Variants in NKAIN2 observed in about 807,000 individuals in gnomAD.
NKAIN2 encodes the protein sodium/potassium-transporting ATPase subunit beta-1-interacting protein 2.
Under a neutral mutation model 32.6 loss-of-function variants are expected in NKAIN2, and 14 were observed. That is an observed-to-expected ratio of 0.43 (90% CI 0.28 to 0.67). The LOEUF is 0.67. Among genes scored for constraint, NKAIN2 ranks in the 30% least tolerant of loss-of-function variants. The probability of loss-of-function intolerance (pLI) is 0.17; values close to 1 mark genes in which losing one functional copy is unlikely to be tolerated. For synonymous variants in NKAIN2, 80 were observed against 87.2 expected (o/e 0.92, Z 0.46); for missense variants, 198 against 258.3 (o/e 0.77, Z 1.60).
At chr6:124,045,628 G>C (rs1195455054) in intron 1 of NKAIN2, among the ~76,000 whole-genome samples, 1 of 151,994 alleles carries the variant, frequency 6.6e-6, no homozygotes, top group Admixed American at 6.6e-5. Flanking sequence ...CTGTAGCCTA[G>C]TAACCTTTGT....
At chr6:123,821,288 C>T (rs1389941216) in intron 1 of NKAIN2, among the ~76,000 whole-genome samples, 1 of 152,092 alleles carries the variant, frequency 6.6e-6, no homozygotes, top group Non-Finnish European at 1.5e-5. Context: ...TTCATATTGT[C>T]TCTCACTATT....
chr6:124,441,357 CCTT>C (rs1775680013), intron 3 of NKAIN2, among the ~76,000 whole-genome samples: 1 of 152,026 alleles, frequency 6.6e-6, no homozygotes, highest in African/African-American at 2.4e-5. Flanking sequence ...CCTTAACAGT[CCTT>C]CACCAAAAAG....
intron 1 of NKAIN2, among the ~76,000 whole-genome samples, chr6:124,205,010 T>G (rs181224869): frequency 0.01 from 1,545 of 151,672 alleles, 10 homozygotes; most frequent in Non-Finnish European, 0.014. Flanking sequence ...ATATATCAAA[T>G]TTTAAACTTT....
intron 2 of NKAIN2, among the ~76,000 whole-genome samples, chr6:124,306,019 C>CTGGTGT (rs1796494273): frequency 6.6e-6 from 1 of 152,134 alleles, no homozygotes; most frequent in African/African-American, 2.4e-5. Flanking sequence ...TTCTTGTCAT[C>CTGGTGT]ACCCTCACCC....
intron 3 of NKAIN2, among the ~76,000 whole-genome samples, chr6:124,396,428 T>TAAA (rs529161089): frequency 0.091 from 11,822 of 129,252 alleles, 902 homozygotes; most frequent in African/African-American, 0.22. Context: ...GCTATTTGAT[T>TAAA]AAAAAAAAAA....
At chr6:124,135,512 T>C (rs1031227843) in intron 1 of NKAIN2, among the ~76,000 whole-genome samples, 4 of 32,636 alleles carry the variant, frequency 1.2e-4, no homozygotes, top group Non-Finnish European at 2.1e-4. Context: ...AAAGCAACGA[T>C]AGTAAAAAAA....
intron 1 of NKAIN2, among the ~76,000 whole-genome samples, chr6:124,107,698 C>A (rs951199389): frequency 1.3e-5 from 2 of 152,090 alleles, no homozygotes; most frequent in African/African-American, 2.4e-5. Context: ...TCTCTTATTT[C>A]CCCACCTCTC....
intron 1 of NKAIN2, among the ~76,000 whole-genome samples, chr6:123,932,683 C>T (rs1250039647): frequency 1.3e-5 from 2 of 151,854 alleles, no homozygotes; most frequent in Non-Finnish European, 2.9e-5. Context: ...TCCCAAAGTG[C>T]TGGGATTACA....
intron 4 of NKAIN2, among the ~76,000 whole-genome samples, chr6:124,692,208 A>AT (rs1774288800): frequency 6.6e-6 from 1 of 152,188 alleles, no homozygotes; most frequent in Non-Finnish European, 1.5e-5. Context: ...TTCCACTACT[A>AT]TTTTTTAAAT....
At position 124,194,445 on chromosome 6, in the gene NKAIN2, T is replaced by A. The variant is rs802284; in HGVS notation, c.55-88560T>A. Reference sequence around the variant, plus strand: ...ATTTGTGTTTTTCTTTTATATCTACTCTGGCAATATTTTTTAATTGGAATG... The same window carrying A: ...ATTTGTGTTTTTCTTTTATATCTACACTGGCAATATTTTTTAATTGGAATG... On this transcript the variant is annotated intron_variant, in intron 1 of 6. Transcript: ENST00000368417. Among the ~76,000 whole-genome samples the A allele has an allele frequency of 4.0e-3, 603 of 151,838 alleles. 10 individuals are homozygous for A. In the East Asian group the frequency reaches 0.057, roughly 14 times the overall value.
Position 124,473,378 on chromosome 6 carries a change from A to AC in NKAIN2, c.273+118035dup, listed in dbSNP as rs1476822270. ...ACAAAGACTGAATTTGAAATAAGGT[A>AC]CCCCTTTACTTTAAAATTTGAAAAA... On this transcript the variant is annotated intron_variant, in intron 3 of 6. Coordinates refer to ENST00000368417, the MANE Select transcript of NKAIN2 (RefSeq NM_001040214.3). Among the ~76,000 whole-genome samples, 4 of 152,150 alleles carry AC rather than the reference A, an allele frequency of 2.6e-5. No homozygotes were observed. The East Asian group carries it at 7.7e-4, about 29-fold the overall frequency.
At chr6:124,347,530 G>A (rs12076429) in intron 2 of NKAIN2, among the ~76,000 whole-genome samples, 24,137 of 151,972 alleles carry the variant, frequency 0.16, 2,211 homozygotes, top group Admixed American at 0.26. Context: ...GGCTTTGTTC[G>A]TTTCCTTTTA....
rs185640514 is a variant in NKAIN2, at chr6:124,012,162, C to T, written c.54+207908C>T. 9.3e-3 allele frequency among the ~76,000 whole-genome samples: 1,406 copies of T among 151,798 alleles called. 14 individuals carry two copies. Among genetic ancestry groups the T allele is most frequent in the Non-Finnish European group, 0.015 (1,009 of 67,908 alleles). ...TACCATAATCAAGATAAAAAATACCCATCACCCCCAAATTTATTTATGCCC... is the reference window on the plus strand; with the variant it reads ...TACCATAATCAAGATAAAAAATACCTATCACCCCCAAATTTATTTATGCCC... On this transcript the variant is annotated intron_variant, in intron 1 of 6. Coordinates refer to ENST00000368417, the MANE Select transcript of NKAIN2 (RefSeq NM_001040214.3).
At chr6:124,224,053 T>A (rs890622604) in intron 1 of NKAIN2, among the ~76,000 whole-genome samples, 1 of 152,086 alleles carries the variant, frequency 6.6e-6, no homozygotes, top group Non-Finnish European at 1.5e-5. Flanking sequence ...GATATTACAA[T>A]CTCTCAGAGT....
At chr6:124,383,884 C>T (rs1487359799) in intron 3 of NKAIN2, among the ~76,000 whole-genome samples, 2 of 152,160 alleles carry the variant, frequency 1.3e-5, no homozygotes, top group East Asian at 1.9e-4. Context: ...AATCTTGGCT[C>T]TTCCTGAATG....
intron 3 of NKAIN2, among the ~76,000 whole-genome samples, chr6:124,580,048 C>T (rs1200862619): frequency 6.6e-6 from 1 of 152,162 alleles, no homozygotes; most frequent in Non-Finnish European, 1.5e-5. Context: ...AGCTGAGGGA[C>T]TTCATCAACA....
chr6:124,664,287 G>GA (rs962079547), intron 4 of NKAIN2, among the ~76,000 whole-genome samples: 29 of 139,208 alleles, frequency 2.1e-4, no homozygotes, highest in East Asian at 1.5e-3. Flanking sequence ...AAAAAAGAAA[G>GA]AAAAAAAAAA....
chr6:124,768,988 A>T (rs1778633874), intron 4 of NKAIN2, among the ~76,000 whole-genome samples: 3 of 151,970 alleles, frequency 2.0e-5, no homozygotes, highest in African/African-American at 7.2e-5. Context: ...ATAACATCAC[A>T]TTTTTCCTCT....
intron 1 of NKAIN2, among the ~76,000 whole-genome samples, chr6:124,022,250 T>C (rs551051654): frequency 2.2e-4 from 34 of 152,296 alleles, no homozygotes; most frequent in Admixed American, 6.5e-5. Flanking sequence ...CTGCATAGTA[T>C]TCCATGGTGT....
Sources: gnomAD v4.1 joint callset for allele counts (sites outside exome capture counted in the v4.1 genomes callset) on GRCh38, gnomAD v4.1.1 for gene constraint, MANE v1.5 for transcripts, NCBI Gene and HGNC (gene_info 2026-07-23, HGNC 2026-07-21) for gene names.